The following ZFP36L1 variants were observed in gnomAD, a reference collection of about 807,000 sequenced individuals.
The protein encoded by ZFP36L1 is mRNA decay activator protein ZFP36L1.
A neutral mutation model predicts 16.7 loss-of-function variants in ZFP36L1; 4 were observed. The observed-to-expected ratio is 0.24, with a 90% CI of 0.12 to 0.55. ZFP36L1 has a LOEUF of 0.55. Among genes scored for constraint, ZFP36L1 ranks in the 20% least tolerant of loss-of-function variants. The probability of loss-of-function intolerance (pLI) is 0.94; values close to 1 mark genes in which losing one functional copy is unlikely to be tolerated. For missense variants in ZFP36L1, 311 were observed against 449.2 expected, an observed-to-expected ratio of 0.69 and a Z score of 2.78; for synonymous variants, 220 against 190.8, an observed-to-expected ratio of 1.15 and a Z score of -1.26.
In ZFP36L1 at chr14:68,789,829, G is replaced by T; in HGVS notation, c.721C>A (p.Pro241Thr). 6.2e-7 allele frequency: 1 copy of T among 1,612,078 alleles called. No individual in the cohort carries two copies. Among genetic ancestry groups the T allele is most frequent in the Non-Finnish European group, 8.5e-7 (1 of 1,180,020 alleles). The change falls in exon 2 of 2, where the codon CCT becomes ACT. Residue 241 changes from proline to threonine, a missense_variant. Physicochemically the swap from Pro to Thr is conservative, Grantham distance 38. Transcript: ENST00000439696. This position sits in a 1 kb window ranked among gnomAD's most constrained non-coding sequence, Gnocchi z 4.5. ...ILSADDLLGSPTLPDGTNNPF... is the reference protein window; with the variant it reads ...ILSADDLLGSTTLPDGTNNPF... ...TTATTGGTGCCATCGGGCAGGGTAG[G>T]TGAGCCCAGGAGGTCATCGGCGCTC...
chr14:68,796,176 G>A (rs771102502), upstream of ZFP36L1: 2 of 1,366,556 alleles, frequency 1.5e-6, no homozygotes, highest in Non-Finnish European at 2.0e-6. Context: ...CCTTCGTGGG[G>A]AGGGGCGGCC....
At chr14:68,791,944 T>A (rs565325010) in intron 1 of ZFP36L1, among the ~76,000 whole-genome samples, 1 of 152,052 alleles carries the variant, frequency 6.6e-6, no homozygotes, top group Non-Finnish European at 1.5e-5. Context: ...GGCAAAACAC[T>A]TCAGCAATTA....
At chr14:68,793,433 C>G, upstream of ZFP36L1, 4 of 996,334 alleles carry the variant, frequency 4.0e-6, no homozygotes, top group Non-Finnish European at 4.8e-6. Flanking sequence ...GGCGCGCCCC[C>G]TCCTTTGTCA....
At chr14:68,791,111 G>A (rs1895056731) in intron 1 of ZFP36L1, 8 of 695,148 alleles carry the variant, frequency 1.2e-5, no homozygotes, top group African/African-American at 3.5e-5. Flanking sequence ...GGGAGACAGG[G>A]ATGTGATTCC....
intron 1 of ZFP36L1, among the ~76,000 whole-genome samples, chr14:68,792,115 T>G (rs929893252): frequency 1.3e-5 from 2 of 152,150 alleles, no homozygotes; most frequent in Admixed American, 6.5e-5. Flanking sequence ...AGCAACATGT[T>G]TTAAGGAGCC....
upstream of ZFP36L1, chr14:68,795,923 T>C (rs1329939690): frequency 2.7e-6 from 3 of 1,096,866 alleles, no homozygotes; most frequent in Admixed American, 3.8e-5. Context: ...CGCCCAGACG[T>C]GGTCGACAGG....
At chr14:68,790,955 G>C (rs1159561434) in intron 1 of ZFP36L1, 4 of 674,720 alleles carry the variant, frequency 5.9e-6, no homozygotes, top group Non-Finnish European at 1.1e-5. Context: ...ATCAGTCTCT[G>C]CTTAATTGAT....
chr14:68,792,893 C>G lies in ZFP36L1; in HGVS notation c.46G>C (p.Val16Leu), dbSNP rs775584183. The G allele has an allele frequency of 6.2e-7, 1 of 1,613,996 alleles. No individual in the cohort carries two copies. Among genetic ancestry groups the G allele is most frequent in the Admixed American group, 1.7e-5 (1 of 60,000 alleles). ...CCGCCCCCCTTTACCTTGCATAAAA[C>G]TTCGCTCAAGTCGAAGATGGTGGCA... Reference protein sequence around the residue: ...VSATIFDLSEVLCKGNKMLNY... With the variant: ...VSATIFDLSELLCKGNKMLNY... The change falls in exon 1 of 2, where the codon GTT becomes CTT. Residue 16 changes from valine to leucine, a missense_variant. Physicochemically the swap from Val to Leu is conservative, Grantham distance 32. Around this residue, in one of 4 missense-constraint regions of ZFP36L1, gnomAD observed 137 missense variants for 142.6 expected, o/e 0.96. Coordinates refer to ENST00000439696, the MANE Select transcript of ZFP36L1 (RefSeq NM_004926.4).
At chr14:68,792,819 G>GA in intron 1 of ZFP36L1, 63 bp downstream of exon 1, 1 of 1,609,058 alleles carries the variant, frequency 6.2e-7, no homozygotes, top group Non-Finnish European at 8.5e-7. Context: ...AAACTTTTGG[G>GA]GGTTCTTTCT....
chr14:68,796,085 G>C (rs768637320), upstream of ZFP36L1: 2 of 1,358,724 alleles, frequency 1.5e-6, no homozygotes, highest in South Asian at 2.3e-5. Flanking sequence ...CTGCACTGCC[G>C]CTTCCGACCG....
chr14:68,792,284 C>G (rs1475195716), intron 1 of ZFP36L1, among the ~76,000 whole-genome samples: 1 of 151,956 alleles, frequency 6.6e-6, no homozygotes, highest in Admixed American at 6.6e-5. Context: ...GTTTGCTGCA[C>G]GATCGGCTAT....
In ZFP36L1 at chr14:68,790,195, G is replaced by A. The variant is rs1031590038; in HGVS notation, c.355C>T (p.Leu119=). ...QVNSSRYKTE[L]CRPFEENGAC... ...CCGTTTTCCTCAAAGGGGCGGCACA[G>A]CTCCGTCTTGTAGCGGCTGGAGTTG... Residue 119 remains leucine, a synonymous_variant, in exon 2 of 2, where the codon CTG becomes TTG. Transcript: ENST00000439696. 2 of 1,613,678 alleles carry A rather than the reference G, an allele frequency of 1.2e-6. No individual in the cohort carries two copies. Among genetic ancestry groups the A allele is most frequent in the Non-Finnish European group, 1.7e-6 (2 of 1,179,790 alleles).
chr14:68,789,650 C>T lies in ZFP36L1; in HGVS notation c.900G>A (p.Ser300=), dbSNP rs755856169. The change falls in exon 2 of 2, where the codon TCG becomes TCA. Residue 300 remains serine (S), a synonymous_variant. Coordinates refer to ENST00000439696, the MANE Select transcript of ZFP36L1 (RefSeq NM_004926.4). This position sits in a 1 kb window ranked among gnomAD's most constrained non-coding sequence, Gnocchi z 4.5. ...AGCTGCTCAGGTAGCCCTCCTGGTC[C>T]GAGAGAGAATCCTGAGGGCTGGGGG... ...DSPPSPQDSL[S]DQEGYLSSSS... 13 of 1,613,742 alleles carry T rather than the reference C, an allele frequency of 8.1e-6. No individual in the cohort carries two copies. Among genetic ancestry groups the T allele is most frequent in the South Asian group, 2.2e-5 (2 of 91,050 alleles).
At chr14:68,793,138 CTT>C (rs1594718845), upstream of ZFP36L1, 2 of 1,241,932 alleles carry the variant, frequency 1.6e-6, no homozygotes, top group East Asian at 9.6e-5. Context: ...GAGCTTTAAA[CTT>C]ATTTAAATGA....
Position 68,789,263 on chromosome 14 carries a change from C to CTT in ZFP36L1, c.*268_*269dup, listed in dbSNP as rs1894999002. 1.8e-5 allele frequency: 8 copies of CTT among 447,662 alleles called. No individual in the cohort carries two copies. In the East Asian group the frequency reaches 2.9e-4, roughly 16 times the overall value. The allele number at this position is 447,662 out of a possible 1,614,324, so 27.7% of individuals were successfully genotyped here. On this transcript the variant is annotated 3_prime_UTR_variant, in exon 2 of 2. Transcript: ENST00000439696. This position sits in a 1 kb window ranked among gnomAD's most constrained non-coding sequence, Gnocchi z 4.5. ...AGGCATCTACTGACAAAATATGGGA[C>CTT]TTGTCTGTTATGCATGGTAAGTGGG... is the stretch of plus-strand genomic sequence containing the variant.
chr14:68,793,324 T>A, upstream of ZFP36L1: 6 of 1,009,154 alleles, frequency 5.9e-6, no homozygotes, highest in Non-Finnish European at 5.9e-6. Context: ...CAACTTTTTT[T>A]TTTTTTTCTT....
intron 1 of ZFP36L1, among the ~76,000 whole-genome samples, chr14:68,792,445 C>G (rs1405371774): frequency 1.3e-5 from 2 of 152,212 alleles, no homozygotes; most frequent in African/African-American, 4.8e-5. Context: ...CCGAGACTCA[C>G]TTCCCCGAGG....
In ZFP36L1 at chr14:68,792,887, A is replaced by G. The variant is rs745878684; in HGVS notation, c.52T>C (p.Cys18Arg). The G allele has an allele frequency of 6.2e-7, 1 of 1,614,094 alleles. No individual in the cohort carries two copies. The highest frequency in any genetic ancestry group is 8.5e-7 in the Non-Finnish European group (1 of 1,179,958). ...AATGCTCCGCCCCCCTTTACCTTGC[A>G]TAAAACTTCGCTCAAGTCGAAGATG... ...ATIFDLSEVLCKGNKMLNYSA... is the reference protein window; with the variant it reads ...ATIFDLSEVLRKGNKMLNYSA... Residue 18 changes from cysteine to arginine, a missense_variant, in exon 1 of 2, where the codon TGC becomes CGC. Cys to Arg is a radical substitution (Grantham distance 180, BLOSUM62 -3). Around this residue, in one of 4 missense-constraint regions of ZFP36L1, gnomAD observed 137 missense variants for 142.6 expected, o/e 0.96. Transcript: ENST00000439696.
upstream of ZFP36L1, among the ~76,000 whole-genome samples, chr14:68,795,222 C>T (rs1253291036): frequency 6.6e-6 from 1 of 152,110 alleles, no homozygotes; most frequent in Non-Finnish European, 1.5e-5. Context: ...GAGCAGAGTG[C>T]GCGTTGAAAC....
Sources: allele counts gnomAD v4.1 joint callset (sites outside exome capture counted in the v4.1 genomes callset), GRCh38; gene constraint gnomAD v4.1.1; regional missense constraint gnomAD v4.1.1; non-coding constraint Gnocchi (gnomAD v3.1); transcripts MANE v1.5; gene names NCBI Gene and HGNC (gene_info 2026-07-23, HGNC 2026-07-21).